KPNA4: variants seen among roughly 807,000 people sequenced by gnomAD.
KPNA4 encodes importin subunit alpha-3.
A neutral mutation model predicts 71.3 loss-of-function variants in KPNA4; 13 were observed. The observed-to-expected ratio is 0.18, with a 90% CI of 0.12 to 0.29. KPNA4 has a LOEUF of 0.29. KPNA4 is among the 10% of genes least tolerant of loss of function. KPNA4 has a pLI of 1.00. For missense variants in KPNA4, 334 were observed against 603.2 expected (o/e 0.55, Z 4.67); for synonymous variants, 189 against 195.2 (o/e 0.97, Z 0.26).
At chr3:160,542,942 G>T (rs1256589283) in intron 1 of KPNA4, among the ~76,000 whole-genome samples, 1 of 152,158 alleles carries the variant, frequency 6.6e-6, no homozygotes, top group South Asian at 2.1e-4. Flanking sequence ...TTGCCAAAAT[G>T]TAAGAAACTG....
chr3:160,559,033 G>A (rs1159833547), intron 1 of KPNA4, among the ~76,000 whole-genome samples: 1 of 152,154 alleles, frequency 6.6e-6, no homozygotes, highest in Non-Finnish European at 1.5e-5. Flanking sequence ...AAGGACGACT[G>A]TCTCAAGGAA....
At chr3:160,541,498 T>A (rs1021580678) in intron 1 of KPNA4, among the ~76,000 whole-genome samples, 11 of 151,748 alleles carry the variant, frequency 7.2e-5, no homozygotes, top group Non-Finnish European at 2.9e-5. Flanking sequence ...GCACGAGAGA[T>A]CTTCTGTGTG....
At chr3:160,539,118 A>G (rs1346508510) in intron 1 of KPNA4, among the ~76,000 whole-genome samples, 2 of 151,978 alleles carry the variant, frequency 1.3e-5, no homozygotes, top group Non-Finnish European at 2.9e-5. Flanking sequence ...CCTTACCTCT[A>G]TGGGAAGGCT....
intron 1 of KPNA4, among the ~76,000 whole-genome samples, chr3:160,555,869 T>A (rs994546093): frequency 6.6e-6 from 1 of 152,208 alleles, no homozygotes; most frequent in Non-Finnish European, 1.5e-5. Flanking sequence ...TTTGCTTTTG[T>A]TGCCCAGGCT....
At chr3:160,513,666 CAATTT>C (rs1445149519) in intron 13 of KPNA4, among the ~76,000 whole-genome samples, 2 of 152,114 alleles carry the variant, frequency 1.3e-5, no homozygotes, top group East Asian at 3.8e-4. Flanking sequence ...TGATTTTGGA[CAATTT>C]ATTTGTCTAT....
chr3:160,519,254 G>T (rs895772274), intron 11 of KPNA4, among the ~76,000 whole-genome samples: 1 of 152,184 alleles, frequency 6.6e-6, no homozygotes, highest in Non-Finnish European at 1.5e-5. Context: ...TTCCAAAAAT[G>T]TTTTGTAGTA....
chr3:160,539,720 T>A (rs1249593070), intron 1 of KPNA4, among the ~76,000 whole-genome samples: 1 of 152,230 alleles, frequency 6.6e-6, no homozygotes, highest in East Asian at 1.9e-4. Context: ...ATGCATTACT[T>A]AAGACTGTTC....
At chr3:160,502,228 G>A in intron 16 of KPNA4, 26 bp from the exon 17 acceptor site, 4 of 1,260,576 alleles carry the variant, frequency 3.2e-6, no homozygotes, top group South Asian at 1.5e-5. Context: ...GAAAAAGAAT[G>A]TGATAATTAG....
Position 160,528,103 on chromosome 3 carries a change from A to G in KPNA4, c.470-64T>C, listed in dbSNP as rs1027335819. On this transcript the variant is annotated intron_variant, in intron 7 of 16. Coordinates refer to ENST00000334256, the MANE Select transcript of KPNA4 (RefSeq NM_002268.5). ...TACCATAAACCAAAAATCAATCTTT[A>G]TTTTTTTGCTGAGACCTCAAAAAAA... 4.7e-6 allele frequency: 6 copies of G among 1,286,870 alleles called. No individual in the cohort carries two copies. In the African/African-American group the frequency reaches 6.0e-5, roughly 13 times the overall value. 79.7% of individuals were successfully genotyped at this position (1,286,870 alleles called of 1,614,324 possible). A position where few individuals can be genotyped will look rare whatever the true frequency, so the allele number is the denominator to read the frequency against.
intron 10 of KPNA4, among the ~76,000 whole-genome samples, 158 bp from the exon 11 acceptor site, chr3:160,522,068 C>T (rs186905509): frequency 5.4e-4 from 82 of 152,352 alleles, no homozygotes; most frequent in Admixed American, 2.2e-3. Flanking sequence ...TATTAAACAT[C>T]ATCATCTATA....
Position 160,495,585 on chromosome 3 carries a change from C to T in KPNA4, c.*6519G>A, listed in dbSNP as rs1018302404. The stretch of plus-strand genomic sequence containing the variant: ...ATAAACATATGTAATTTTACCTTAA[C>T]TAAAAGGTTAGGATGACTAGGACTG... On this transcript the variant is annotated 3_prime_UTR_variant, in exon 17 of 17. Coordinates refer to ENST00000334256, the MANE Select transcript of KPNA4 (RefSeq NM_002268.5). 4.0e-5 allele frequency: 6 copies of T among 151,830 alleles called. No homozygotes were observed. The highest frequency in any genetic ancestry group is 4.4e-5 in the Non-Finnish European group (3 of 67,986). The allele number at this position is 151,830 out of a possible 1,614,324, so 9.4% of individuals were successfully genotyped here.
At chr3:160,529,988 A>G (rs1183543904) in intron 7 of KPNA4, among the ~76,000 whole-genome samples, 3 of 149,822 alleles carry the variant, frequency 2.0e-5, no homozygotes, top group African/African-American at 4.9e-5. Flanking sequence ...ACAAAAAACT[A>G]GCCGGGCGTG....
chr3:160,507,499 C>CA (rs57528939), intron 15 of KPNA4, among the ~76,000 whole-genome samples: 2,389 of 47,140 alleles, frequency 0.051, 54 homozygotes, highest in East Asian at 0.067. Context: ...GACACTGTCT[C>CA]AAAAAAAAAA....
chr3:160,508,526 A>G (rs764759827), intron 14 of KPNA4, among the ~76,000 whole-genome samples: 64 of 152,204 alleles, frequency 4.2e-4, no homozygotes, highest in Admixed American at 1.4e-3. Context: ...TTTCTTTGCC[A>G]TAAGAAATAC....
chr3:160,543,777 T>C (rs1721852211), intron 1 of KPNA4, among the ~76,000 whole-genome samples: 2 of 152,206 alleles, frequency 1.3e-5, no homozygotes, highest in Non-Finnish European at 1.5e-5. Flanking sequence ...GTGGCTCTGG[T>C]ACAGTTGCTT....
intron 1 of KPNA4, among the ~76,000 whole-genome samples, chr3:160,561,029 A>G (rs1722233539): frequency 6.6e-6 from 1 of 151,632 alleles, no homozygotes; most frequent in South Asian, 2.1e-4. Flanking sequence ...CAGCTGATCA[A>G]TTTATTAAAC....
At chr3:160,547,065 A>T (rs971304989) in intron 1 of KPNA4, among the ~76,000 whole-genome samples, 2 of 152,234 alleles carry the variant, frequency 1.3e-5, no homozygotes, top group African/African-American at 4.8e-5. Context: ...TCAGTGGAGT[A>T]TGTAGGCGAC....
chr3:160,564,925 C>T lies in KPNA4; in HGVS notation c.69+289G>A, dbSNP rs1268470727. On this transcript the variant is annotated intron_variant, in intron 1 of 16. Transcript: ENST00000334256. ...CCTCCTCCGCACGCGCCGCGCCCGG[C>T]CTCCCCGCCGCGCGGCCCGGCCCCT... Among the ~76,000 whole-genome samples the T allele has an allele frequency of 3.4e-5, 5 of 146,732 alleles. No homozygotes were observed. The East Asian group carries it at 9.9e-4, about 29-fold the overall frequency.
intron 11 of KPNA4, among the ~76,000 whole-genome samples, chr3:160,519,155 A>G (rs573018129): frequency 6.6e-6 from 1 of 152,348 alleles, no homozygotes; most frequent in East Asian, 1.9e-4. Context: ...TAATCTGTAG[A>G]CAAACTTGGG....
Sources: allele counts gnomAD v4.1 joint callset (sites outside exome capture counted in the v4.1 genomes callset), GRCh38; gene constraint gnomAD v4.1.1; transcripts MANE v1.5; gene names NCBI Gene and HGNC (gene_info 2026-07-23, HGNC 2026-07-21).